Variants in GALK2 observed in about 807,000 individuals in gnomAD.
The protein encoded by GALK2 is N-acetylgalactosamine kinase.
Under a neutral mutation model 52.4 loss-of-function variants are expected in GALK2, and 36 were observed. The ratio of observed to expected loss-of-function variants is 0.69; its 90% confidence interval spans 0.53 to 0.91. The LOEUF is 0.91. Ranked by LOEUF, GALK2 falls within the 40% of genes least tolerant of loss-of-function variation. The pLI is 0.00. For missense variants in GALK2, 579 were observed against 559.1 expected, an observed-to-expected ratio of 1.04 and a Z score of -0.36; for synonymous variants, 176 against 199.1, an observed-to-expected ratio of 0.88 and a Z score of 0.98.
At chr15:49,169,115 G>A (rs2084923541), upstream of GALK2, 1 of 152,140 alleles carries the variant, frequency 6.6e-6, no homozygotes, top group East Asian at 2.0e-4. Flanking sequence ...CTGTATACAT[G>A]TATACAGAAG....
In GALK2 at chr15:49,259,730, T is replaced by G. The variant is rs1251627107; in HGVS notation, c.504+20363T>G. ...ATCTCCCAATGCTATCCCTCCCCCCTCCCCCAACCCCACCACAGTCCCCAG... is the reference window on the plus strand; with the variant it reads ...ATCTCCCAATGCTATCCCTCCCCCCGCCCCCAACCCCACCACAGTCCCCAG... On this transcript the variant is annotated intron_variant, in intron 5 of 9. Transcript: ENST00000560031. Among the ~76,000 whole-genome samples, 3 of 55,888 alleles carry G rather than the reference T, an allele frequency of 5.4e-5. No individual in the cohort carries two copies. In the East Asian group the frequency reaches 1.7e-3, roughly 32 times the overall value. 36.7% of individuals were successfully genotyped at this position (55,888 alleles called of 152,430 possible).
chr15:49,172,291 A>C (rs1410914739), intron 1 of GALK2, among the ~76,000 whole-genome samples: 3 of 152,168 alleles, frequency 2.0e-5, no homozygotes, highest in Non-Finnish European at 2.9e-5. Flanking sequence ...TATATTATTC[A>C]TGTAACAAAT....
At chr15:49,168,943 CT>C (rs1329351429), upstream of GALK2, 2 of 153,672 alleles carry the variant, frequency 1.3e-5, no homozygotes, top group African/African-American at 4.8e-5. Flanking sequence ...TAAAGAGGGA[CT>C]GAAATAATAG....
At chr15:49,189,591 C>T (rs1231316416) in intron 1 of GALK2, among the ~76,000 whole-genome samples, 1 of 152,006 alleles carries the variant, frequency 6.6e-6, no homozygotes, top group African/African-American at 2.4e-5. Flanking sequence ...TAACAGTATG[C>T]CAACATCACT....
intron 3 of GALK2, among the ~76,000 whole-genome samples, chr15:49,223,612 T>C (rs1275627276): frequency 6.6e-6 from 1 of 152,170 alleles, no homozygotes; most frequent in Non-Finnish European, 1.5e-5. Context: ...CATATTTAGC[T>C]CCCACTTATA....
chr15:49,361,670 T>C (rs1010782197), intron 3 of GALK2, among the ~76,000 whole-genome samples: 1 of 152,152 alleles, frequency 6.6e-6, no homozygotes, highest in Non-Finnish European at 1.5e-5. Context: ...GTTGAATTCC[T>C]TATCTTTACT....
intron 9 of GALK2, among the ~76,000 whole-genome samples, chr15:49,321,688 A>G (rs766566530): frequency 6.6e-6 from 1 of 152,252 alleles, no homozygotes; most frequent in Non-Finnish European, 1.5e-5. Context: ...TAAGTTTCAC[A>G]TATGAGTTCA....
chr15:49,184,005 G>A (rs1386286118), intron 1 of GALK2, among the ~76,000 whole-genome samples: 2 of 152,112 alleles, frequency 1.3e-5, no homozygotes, highest in Non-Finnish European at 2.9e-5. Context: ...TGCAGATTAC[G>A]TCTCATGTTT....
In GALK2 at chr15:49,299,740, TTTCTTTCTTTCTTTC is replaced by T. The variant is rs2034850701; in HGVS notation, c.967+7206_967+7220del. Among the ~76,000 whole-genome samples the T allele has an allele frequency of 1.8e-3, 171 of 95,732 alleles. No individual in the cohort carries two copies. The East Asian group carries it at 0.032, about 18-fold the overall frequency. The allele number at this position is 95,732 out of a possible 152,430, so 62.8% of individuals were successfully genotyped here. A position where few individuals can be genotyped will look rare whatever the true frequency, so the allele number is the denominator to read the frequency against. On this transcript the variant is annotated intron_variant, in intron 8 of 9. Transcript: ENST00000560031. ...TTTCTTTCTTTCTTTCTTTCTTTTC[TTTCTTTCTTTCTTTC>T]TTTCTTTCTTTCTTTCTTTCTTTCT...
intron 1 of GALK2, among the ~76,000 whole-genome samples, chr15:49,175,111 A>G (rs1595881953): frequency 6.6e-6 from 1 of 152,216 alleles, no homozygotes; most frequent in African/African-American, 2.4e-5. Context: ...GGGTAAACAT[A>G]TATGTAACAT....
intron 7 of GALK2, among the ~76,000 whole-genome samples, chr15:49,290,105 C>G (rs748419644): frequency 6.6e-6 from 1 of 152,204 alleles, no homozygotes; most frequent in South Asian, 2.1e-4. Context: ...AGCCCTGCTT[C>G]ACAAATGTGA....
intron 3 of GALK2, chr15:49,353,390 C>T (rs1380243789): frequency 1.3e-5 from 2 of 152,114 alleles, no homozygotes; most frequent in African/African-American, 4.8e-5. Context: ...TCTTTTCAGA[C>T]AATTAGAGGA....
intron 8 of GALK2, among the ~76,000 whole-genome samples, chr15:49,313,252 G>C (rs1346543639): frequency 6.6e-6 from 1 of 152,172 alleles, no homozygotes; most frequent in African/African-American, 2.4e-5. Context: ...CCAATATAAA[G>C]ACATTTGAGT....
chr15:49,322,015 G>A (rs1048937131), intron 9 of GALK2, among the ~76,000 whole-genome samples: 2 of 152,186 alleles, frequency 1.3e-5, no homozygotes, highest in Non-Finnish European at 1.5e-5. Flanking sequence ...TGGAACTGTT[G>A]CTTCGCTTTG....
At chr15:49,324,504 A>C (rs528233809) in intron 9 of GALK2, among the ~76,000 whole-genome samples, 1 of 151,904 alleles carries the variant, frequency 6.6e-6, no homozygotes, top group South Asian at 2.1e-4. Context: ...GCAGGACCCA[A>C]ACCCACTGCT....
chr15:49,299,916 A>T (rs952421272), intron 8 of GALK2, among the ~76,000 whole-genome samples: 2 of 151,540 alleles, frequency 1.3e-5, no homozygotes, highest in South Asian at 2.1e-4. Flanking sequence ...AAGAATGTAT[A>T]TTCTGTTGTT....
chr15:49,161,672 T>C lies in GALK2; in HGVS notation c.20+5656T>C, dbSNP rs79172910. 5.7e-3 allele frequency: 895 copies of C among 157,064 alleles called. 15 individuals carry two copies. Among genetic ancestry groups the C allele is most frequent in the African/African-American group, 0.021 (863 of 41,666 alleles). 9.7% of individuals were successfully genotyped at this position (157,064 alleles called of 1,614,324 possible). The stretch of plus-strand genomic sequence containing the variant: ...TATTCAGTAGCTTCATTTACCTCAA[T>C]AAGGTAAATTAAGCTGCACATACTT... On this transcript the variant is annotated intron_variant, in intron 1 of 9. Coordinates refer to the GALK2 transcript ENST00000327171.
Position 49,328,079 on chromosome 15 carries a change from G to A in GALK2, c.1297G>A (p.Asp433Asn). The change falls in exon 10 of 10, where the codon GAT becomes AAT. Residue 433 changes from aspartate to asparagine, a missense_variant. Coordinates refer to ENST00000560031, the MANE Select transcript of GALK2 (RefSeq NM_002044.4). ...GCACAAAGCTTATTACCAGAGGAGT[G>A]ATGGAAGCTTAGCACCGGAGAAGCA... ...NVHKAYYQRS[D>N]GSLAPEKQSL... is the part of the protein sequence containing the mutation. The A allele has an allele frequency of 6.2e-7, 1 of 1,614,104 alleles. No individual in the cohort carries two copies. Among genetic ancestry groups the A allele is most frequent in the Non-Finnish European group, 8.5e-7 (1 of 1,179,996 alleles).
Position 49,328,883 on chromosome 15 carries a change from T to C in GALK2, c.*724T>C. 1.5e-6 allele frequency: 2 copies of C among 1,312,230 alleles called. No individual in the cohort carries two copies. The highest frequency in any genetic ancestry group is 1.9e-6 in the Non-Finnish European group (2 of 1,027,300). The allele number at this position is 1,312,230 out of a possible 1,614,324, so 81.3% of individuals were successfully genotyped here. A position where few individuals can be genotyped will look rare whatever the true frequency, so the allele number is the denominator to read the frequency against. ...TAACCACTTTCAATTCTTTTGGCCCTGAGCTATCTCCATTACTTAATAGAA... is the reference window on the plus strand; with the variant it reads ...TAACCACTTTCAATTCTTTTGGCCCCGAGCTATCTCCATTACTTAATAGAA... On this transcript the variant is annotated 3_prime_UTR_variant, in exon 10 of 10. Transcript: ENST00000560031.
Sources: gnomAD v4.1 joint callset for allele counts (sites outside exome capture counted in the v4.1 genomes callset) on GRCh38, gnomAD v4.1.1 for gene constraint, MANE v1.5 for transcripts, NCBI Gene and HGNC (gene_info 2026-07-23, HGNC 2026-07-21) for gene names.